CBFA2T2: variants seen among roughly 807,000 people sequenced by gnomAD.
CBFA2T2 encodes the protein protein CBFA2T2.
CBFA2T2 carries 11 observed loss-of-function variants against 62.2 expected under a neutral mutation model. The ratio of observed to expected loss-of-function variants is 0.18; its 90% CI spans 0.11 to 0.29. The LOEUF (loss-of-function observed/expected upper bound fraction) is 0.29, where lower values mean the gene tolerates loss of function less well. Ranked by LOEUF, CBFA2T2 falls within the 10% of genes least tolerant of loss-of-function variation. The probability of loss-of-function intolerance (pLI) is 1.00; values close to 1 mark genes in which losing one functional copy is unlikely to be tolerated. For synonymous variants in CBFA2T2, 295 were observed against 287.5 expected (o/e 1.03, Z -0.27); for missense variants, 592 against 774.1 (o/e 0.76, Z 2.79).
rs199805350 is a variant in CBFA2T2, at chr20:33,621,287, C to CTTTTTTTTTTT, written c.510+1697_510+1707dup. Among the ~76,000 whole-genome samples the CTTTTTTTTTTT allele has an allele frequency of 1.7e-3, 141 of 85,292 alleles. 7 individuals are homozygous for CTTTTTTTTTTT. The highest frequency in any genetic ancestry group is 4.6e-3 in the African/African-American group (88 of 19,296). The allele number at this position is 85,292 out of a possible 152,430, so 56.0% of individuals were successfully genotyped here. A position where few individuals can be genotyped will look rare whatever the true frequency, so the allele number is the denominator to read the frequency against. On this transcript the variant is annotated intron_variant, in intron 4 of 10. Coordinates refer to ENST00000342704, the MANE Select transcript of CBFA2T2 (RefSeq NM_001032999.3). Reference sequence around the variant, plus strand: ...TCTATAATACCTTTAATTTTACTGCCTTTTTTTTTTTTTTTTTTTTTTTTT... The same window carrying CTTTTTTTTTTT: ...TCTATAATACCTTTAATTTTACTGCCTTTTTTTTTTTTTTTTTTTTTTTTTTTTTTTTTTTT...
rs925613119 is a variant in CBFA2T2 at position 33,518,728 on chromosome 20, C to T, written c.34+28427C>T. ...CAGAGGTTGCGGTGAGCTGATAACA[C>T]GCCATTGCAGTCCAGCCTGTGCAAC... is the stretch of plus-strand genomic sequence containing the variant. On this transcript the variant is annotated intron_variant, in intron 1 of 10. Transcript: ENST00000342704. Among the ~76,000 whole-genome samples the T allele has an allele frequency of 9.9e-5, 15 of 151,096 alleles. 1 individual carries two copies.
chr20:33,622,805 G>A (rs533328247), intron 4 of CBFA2T2, among the ~76,000 whole-genome samples: 62 of 152,264 alleles, frequency 4.1e-4, no homozygotes, highest in African/African-American at 1.4e-3. Context: ...CTTCAGAAGC[G>A]TATGTTTTAA....
chr20:33,490,432 TC>T, intron 1 of CBFA2T2, 131 bp downstream of exon 1: 2 of 963,906 alleles, frequency 2.1e-6, no homozygotes, highest in Non-Finnish European at 2.7e-6. Flanking sequence ...GGGCGGCGGA[TC>T]CAAGGTCACG....
At chr20:33,509,395 A>G (rs912518948) in intron 1 of CBFA2T2, among the ~76,000 whole-genome samples, 1 of 152,040 alleles carries the variant, frequency 6.6e-6, no homozygotes, top group African/African-American at 2.4e-5. Flanking sequence ...AGAACACGAC[A>G]CACTGATTCA....
intron 1 of CBFA2T2, among the ~76,000 whole-genome samples, chr20:33,578,280 A>G (rs1254553684): frequency 1.3e-5 from 2 of 152,174 alleles, no homozygotes; most frequent in Non-Finnish European, 1.5e-5. Context: ...ATTGAGTATT[A>G]GTTTCCTTGG....
chr20:33,636,280 T>C (rs1256169247), intron 8 of CBFA2T2, among the ~76,000 whole-genome samples: 3 of 141,586 alleles, frequency 2.1e-5, no homozygotes, highest in African/African-American at 7.8e-5. Flanking sequence ...AAAAAAAAAA[T>C]CTGTGTGCAT....
chr20:33,522,817 T>G (rs560088661), intron 1 of CBFA2T2, among the ~76,000 whole-genome samples: 49 of 152,236 alleles, frequency 3.2e-4, no homozygotes, highest in African/African-American at 1.0e-3. Flanking sequence ...ATTATACCAT[T>G]GAGATGCATG....
intron 1 of CBFA2T2, among the ~76,000 whole-genome samples, chr20:33,558,124 G>T (rs1009130872): frequency 6.6e-6 from 1 of 151,354 alleles, no homozygotes; most frequent in African/African-American, 2.4e-5. Flanking sequence ...ACTGCGCCTG[G>T]GCGCGCTCTC....
chr20:33,579,192 A>G (rs951165614), intron 1 of CBFA2T2, among the ~76,000 whole-genome samples: 13 of 149,188 alleles, frequency 8.7e-5, no homozygotes, highest in Non-Finnish European at 1.6e-4. Flanking sequence ...ATAAACCACC[A>G]TGCCTGGTCT....
intron 3 of CBFA2T2, chr20:33,618,365 T>A (rs1226198004): frequency 6.6e-6 from 1 of 152,240 alleles, no homozygotes; most frequent in African/African-American, 2.4e-5. Context: ...TTTAATTTGT[T>A]ATCATACAGT....
At chr20:33,588,030 A>G (rs6120314) in intron 1 of CBFA2T2, among the ~76,000 whole-genome samples, 6,529 of 152,298 alleles carry the variant, frequency 0.043, 487 homozygotes, top group African/African-American at 0.15. Flanking sequence ...ATGTAGAACT[A>G]TAGACTGAGA....
At chr20:33,593,392 T>C (rs2014746995) in intron 1 of CBFA2T2, among the ~76,000 whole-genome samples, 1 of 29,962 alleles carries the variant, frequency 3.3e-5, no homozygotes, top group Non-Finnish European at 5.4e-5. Context: ...CTTGACTGGA[T>C]TTTTTTTTTT....
At chr20:33,535,758 G>A (rs2012198116) in intron 1 of CBFA2T2, among the ~76,000 whole-genome samples, 2 of 151,478 alleles carry the variant, frequency 1.3e-5, no homozygotes. Flanking sequence ...TGGAGGGAAG[G>A]TCAGCAGATA....
At chr20:33,580,833 A>C (rs1471549988) in intron 1 of CBFA2T2, among the ~76,000 whole-genome samples, 1 of 152,182 alleles carries the variant, frequency 6.6e-6, no homozygotes, top group Non-Finnish European at 1.5e-5. Context: ...CAGCCTGGGT[A>C]ATGGAATGAG....
intron 1 of CBFA2T2, among the ~76,000 whole-genome samples, chr20:33,507,231 T>G (rs1348246861): frequency 6.6e-6 from 1 of 152,320 alleles, no homozygotes; most frequent in Admixed American, 6.5e-5. Context: ...TTGAATTCCT[T>G]GTATCAGATC....
At chr20:33,519,268 G>A (rs949416391) in intron 1 of CBFA2T2, among the ~76,000 whole-genome samples, 8 of 152,028 alleles carry the variant, frequency 5.3e-5, no homozygotes, top group Admixed American at 4.6e-4. Flanking sequence ...TCAGGAGTTC[G>A]AGACCAGCCT....
intron 3 of CBFA2T2, among the ~76,000 whole-genome samples, chr20:33,619,057 A>T (rs1036487457): frequency 1.3e-5 from 2 of 152,178 alleles, no homozygotes; most frequent in Non-Finnish European, 2.9e-5. Flanking sequence ...ATGTTCCTGC[A>T]GTTATCCTTT....
rs686336 is a variant in CBFA2T2, at chr20:33,545,470, T to C, written c.34+55169T>C. ...CTTTCTTTCTTTCTTTCTTTCTTTCTTTCGTTCGTTTGTTTTCCTCTAGGC... is the reference window on the plus strand; with the variant it reads ...CTTTCTTTCTTTCTTTCTTTCTTTCCTTCGTTCGTTTGTTTTCCTCTAGGC... On this transcript the variant is annotated intron_variant, in intron 1 of 10. Coordinates refer to ENST00000342704, the MANE Select transcript of CBFA2T2 (RefSeq NM_001032999.3). Among the ~76,000 whole-genome samples the C allele has an allele frequency of 3.0e-4, 46 of 151,444 alleles. No individual in the cohort carries two copies. The South Asian group carries it at 3.9e-3, about 13-fold the overall frequency.
intron 1 of CBFA2T2, chr20:33,573,968 TTG>T: frequency 2.2e-6 from 1 of 446,354 alleles, no homozygotes; most frequent in Non-Finnish European, 3.8e-6. Context: ...TTTTTTTTTT[TTG>T]TAGAGGTGGG....
Sources: gnomAD v4.1 joint callset for allele counts (sites outside exome capture counted in the v4.1 genomes callset) on GRCh38, gnomAD v4.1.1 for gene constraint, MANE v1.5 for transcripts, NCBI Gene and HGNC (gene_info 2026-07-23, HGNC 2026-07-21) for gene names.